The following NAPRT variants were observed in gnomAD, a reference collection of about 807,000 sequenced individuals.
NAPRT encodes the protein nicotinate phosphoribosyltransferase.
NAPRT carries 66 observed loss-of-function variants against 60.7 expected under a neutral mutation model. The ratio of observed to expected loss-of-function variants is 1.09; its 90% CI spans 0.89 to 1.33. NAPRT has a LOEUF of 1.33. Among genes scored for constraint, NAPRT ranks in the 40% most tolerant of loss-of-function variants. The pLI is 0.00. For missense variants in NAPRT, 818 were observed against 731.5 expected, an observed-to-expected ratio of 1.12 and a Z score of -1.36; for synonymous variants, 405 against 335.7, an observed-to-expected ratio of 1.21 and a Z score of -2.26.
chr8:143,577,538 G>A (rs2130698109), intron 3 of NAPRT, 119 bp downstream of exon 3: 2 of 1,449,182 alleles, frequency 1.4e-6, no homozygotes, highest in Non-Finnish European at 1.9e-6. Flanking sequence ...AAGAGTGGGG[G>A]CGGGAGGCCA....
rs759906633 is a variant in NAPRT at position 143,576,646 on chromosome 8, C to T, written c.881G>A (p.Arg294Lys). The T allele has an allele frequency of 1.9e-6, 3 of 1,609,322 alleles. No individual in the cohort carries two copies. In the South Asian group the frequency reaches 3.3e-5, roughly 18 times the overall value. ...QGLLDTYSVWRSGLPNFLAVA... is the reference protein window; with the variant it reads ...QGLLDTYSVWKSGLPNFLAVA... ...CCACCCCTAAAGTGCCCGGGCTCAC[C>T]TCCACACGCTGTAGGTGTCCAGGAG... is the stretch of plus-strand genomic sequence containing the variant. Residue 294 changes from arginine (R) to lysine (K), a missense_variant and splice_region_variant, in exon 6 of 13, where the codon AGG becomes AAG. Coordinates refer to ENST00000449291, the MANE Select transcript of NAPRT (RefSeq NM_145201.6).
chr8:143,574,934 G>C, intron 12 of NAPRT, 34 bp from the exon 13 acceptor site: 2 of 1,550,304 alleles, frequency 1.3e-6, no homozygotes, highest in South Asian at 1.2e-5. Context: ...CGGTGGGCAG[G>C]GTGAGGGCGG....
chr8:143,578,000 T>C lies in NAPRT; in HGVS notation c.227-57A>G, dbSNP rs1172982469. ...GCGGGGACAGACCGGTCGTGGGACA[T>C]GGGGGGTTCCACGGGGGGACAAGGA... On this transcript the variant is annotated intron_variant, in intron 1 of 12. Transcript: ENST00000449291. The C allele has an allele frequency of 4.0e-6, 6 of 1,514,692 alleles. No individual in the cohort carries two copies. In the African/African-American group the frequency reaches 6.1e-5, roughly 15 times the overall value. The allele number at this position is 1,514,692 out of a possible 1,614,324, so 93.8% of individuals were successfully genotyped here.
intron 5 of NAPRT, 70 bp from the exon 6 acceptor site, chr8:143,576,912 C>A (rs375446957): frequency 7.2e-6 from 11 of 1,521,008 alleles, no homozygotes; most frequent in African/African-American, 4.1e-5. Flanking sequence ...GCCAGGGACA[C>A]CCTAGTTTGA....
Position 143,577,640 on chromosome 8 carries a change from A to G in NAPRT, c.437+17T>C. On this transcript the variant is annotated intron_variant, in intron 3 of 12. Transcript: ENST00000449291. ...CCATCCCATGCCCACGCTCCCTGCC[A>G]GTGGCCCGCAGCCCACCTGGCGTAG... is the stretch of plus-strand genomic sequence containing the variant. 6.5e-7 allele frequency: 1 copy of G among 1,535,820 alleles called. No homozygotes were observed. The highest frequency in any genetic ancestry group is 8.7e-7 in the Non-Finnish European group (1 of 1,146,388).
rs1824460117 is a variant in NAPRT, at chr8:143,576,439, C to A, written c.1015G>T (p.Ala339Ser). The change falls in exon 7 of 13, where the codon GCA becomes TCA. Residue 339 changes from alanine to serine, a missense_variant. By Grantham distance (99) the Ala-to-Ser change is moderately conservative. Transcript: ENST00000449291. Reference sequence around the variant, plus strand: ...CCTCCCCGGGAAACTCACTGGGCTGCAGCAGCTCGGAAGACCTTGCGGATC... The same window carrying A: ...CCTCCCCGGGAAACTCACTGGGCTGAAGCAGCTCGGAAGACCTTGCGGATC... ...QEIRKVFRAA[A>S]AQFQVPWLES... is the part of the protein sequence containing the mutation. The A allele has an allele frequency of 6.2e-7, 1 of 1,603,670 alleles. No individual in the cohort carries two copies. Among genetic ancestry groups the A allele is most frequent in the South Asian group, 1.1e-5 (1 of 90,156 alleles).
In NAPRT at chr8:143,578,179, C is replaced by A; in HGVS notation, c.140G>T (p.Arg47Leu). 3.3e-6 allele frequency: 5 copies of A among 1,515,324 alleles called. No homozygotes were observed. The highest frequency in any genetic ancestry group is 1.2e-5 in the South Asian group (1 of 81,398). The allele number at this position is 1,515,324 out of a possible 1,614,324, so 93.9% of individuals were successfully genotyped here. ...DAAEFELFFR[R>L]CPFGGAFALA... is the part of the protein sequence containing the mutation. Reference sequence around the variant, plus strand: ...GGCGAAGGCGCCGCCGAACGGGCAGCGGCGGAAGAAGAGCTCGAACTCGGC... The same window carrying A: ...GGCGAAGGCGCCGCCGAACGGGCAGAGGCGGAAGAAGAGCTCGAACTCGGC... The change falls in exon 1 of 13, where the codon CGC becomes CTC. Residue 47 changes from arginine to leucine, a missense_variant. Transcript: ENST00000449291.
chr8:143,576,070 C>T lies in NAPRT; in HGVS notation c.1107+8G>A, dbSNP rs1457160465. The T allele has an allele frequency of 1.9e-6, 3 of 1,576,836 alleles. No homozygotes were observed. Among genetic ancestry groups the T allele is most frequent in the Admixed American group, 3.6e-5 (2 of 56,122 alleles). On this transcript the variant is annotated splice_region_variant and intron_variant, in intron 8 of 12. Transcript: ENST00000449291. Reference sequence around the variant, plus strand: ...GCCACCCTCCGCCTACCCACTCATCCACCCCACCTCCTGGGCCAGTCGGGC... The same window carrying T: ...GCCACCCTCCGCCTACCCACTCATCTACCCCACCTCCTGGGCCAGTCGGGC...
intron 8 of NAPRT, 80 bp downstream of exon 8, chr8:143,575,998 T>G: frequency 8.4e-7 from 1 of 1,189,702 alleles, no homozygotes; most frequent in East Asian, 2.6e-5. Flanking sequence ...GGGAAGGAGG[T>G]GGCAATGAGC....
intron 11 of NAPRT, 39 bp downstream of exon 11, chr8:143,575,152 C>A: frequency 6.3e-7 from 1 of 1,583,036 alleles, no homozygotes; most frequent in Non-Finnish European, 8.6e-7. Context: ...AGGGCTCTAC[C>A]GGGGCTGGGG....
intron 11 of NAPRT, 40 bp from the exon 12 acceptor site, chr8:143,575,133 C>A: frequency 6.4e-7 from 1 of 1,565,450 alleles, no homozygotes. Context: ...TTGGGGCTAG[C>A]TCCCAGTCAG....
At chr8:143,577,248 T>TGCCCC (rs1397362028) in intron 4 of NAPRT, 21 bp downstream of exon 4, 2 of 1,606,452 alleles carry the variant, frequency 1.2e-6, no homozygotes, top group South Asian at 2.2e-5. Flanking sequence ...GCCCTTGCCT[T>TGCCCC]GCCCCGCACC....
rs201161077 is a variant in NAPRT at position 143,576,835 on chromosome 8, G to A, written c.692C>T (p.Ala231Val). ...CCCAGGGCCCTCACCAGCTGCTGGC[G>A]CCAACATCTGTGGAACAGAGTCGGT... Reference protein sequence around the residue: ...GSEVPPDPMLAPAAGEGPGVD... With the variant: ...GSEVPPDPMLVPAAGEGPGVD... Residue 231 changes from alanine (A) to valine (V), a missense_variant, in exon 6 of 13, where the codon GCG becomes GTG. Ala to Val is a moderately conservative substitution (Grantham distance 64, BLOSUM62 0). Coordinates refer to ENST00000449291, the MANE Select transcript of NAPRT (RefSeq NM_145201.6). 212 of 1,597,344 alleles carry A rather than the reference G, an allele frequency of 1.3e-4. No individual in the cohort carries two copies. In the African/African-American group the frequency reaches 1.6e-3, roughly 12 times the overall value.
chr8:143,577,241 C>T, intron 4 of NAPRT, 28 bp downstream of exon 4: 3 of 1,606,106 alleles, frequency 1.9e-6, no homozygotes, highest in Non-Finnish European at 2.6e-6. Flanking sequence ...CTTCCCGGCC[C>T]TTGCCTTGCC....
chr8:143,574,845 G>C lies in NAPRT; in HGVS notation c.1610C>G (p.Ser537Cys). 1 of 1,550,666 alleles carries C rather than the reference G, an allele frequency of 6.4e-7. No individual in the cohort carries two copies. The highest frequency in any genetic ancestry group is 8.7e-7 in the Non-Finnish European group (1 of 1,146,988). The change falls in exon 13 of 13, where the codon TCC (serine) becomes TGC (cysteine). Residue 537 changes from serine (S) to cysteine (C), a missense_variant. Transcript: ENST00000449291. ...ALVNSLCAGQSP is the reference protein window; with the variant it reads ...ALVNSLCAGQCP The stretch of plus-strand genomic sequence containing the variant: ...TCAGCCCCGCTCCGAGTCTCAGGGG[G>C]ACTGCCCCGCACACAGACTGTTCAC...
At chr8:143,577,984 G>A in intron 1 of NAPRT, 41 bp from the exon 2 acceptor site, 2 of 1,586,020 alleles carry the variant, frequency 1.3e-6, no homozygotes, top group South Asian at 1.1e-5. Context: ...CGCGGGGACA[G>A]ACCGGTCGTG....
chr8:143,573,562 A>C (rs1824207613), downstream of NAPRT: 1 of 152,172 alleles, frequency 6.6e-6, no homozygotes, highest in African/African-American at 2.4e-5. Context: ...GCTTCCACCA[A>C]GATGGTAAGT....
Position 143,575,647 on chromosome 8 carries a change from T to C in NAPRT, c.1163A>G (p.Gln388Arg), listed in dbSNP as rs1824389640. 6.3e-6 allele frequency: 10 copies of C among 1,595,894 alleles called. No homozygotes were observed. In the South Asian group the frequency reaches 1.1e-4, roughly 18 times the overall value. ...CTTATAGACGCCACCCAGGGAAGGCTGTTGGGGGCAGGTGACCACACTGGT... is the reference window on the plus strand; with the variant it reads ...CTTATAGACGCCACCCAGGGAAGGCCGTTGGGGGCAGGTGACCACACTGGT... ...IGTSVVTCPQ[Q>R]PSLGGVYKLV... The change falls in exon 9 of 13, where the codon CAG becomes CGG. Residue 388 changes from glutamine (Q) to arginine (R), a missense_variant. By Grantham distance (43) the Gln-to-Arg change is conservative (BLOSUM62 1). Coordinates refer to ENST00000449291, the MANE Select transcript of NAPRT (RefSeq NM_145201.6).
rs1374137247 is a variant in NAPRT, at chr8:143,575,342, G to A, written c.1295C>T (p.Ser432Phe). The stretch of plus-strand genomic sequence containing the variant: ...TAACTGCAGCATGTCCATGAGTGGA[G>A]ACCCTGTGTGGACGGGGCAAGAATA... ...AAFRLLGSDGSPLMDMLQLAE... is the reference protein window; with the variant it reads ...AAFRLLGSDGFPLMDMLQLAE... The change falls in exon 11 of 13, where the codon TCT (serine) becomes TTT (phenylalanine). Residue 432 changes from serine to phenylalanine, a missense_variant. Ser to Phe is a radical substitution (Grantham distance 155, BLOSUM62 -2). Transcript: ENST00000449291. 8 of 1,611,034 alleles carry A rather than the reference G, an allele frequency of 5.0e-6. No homozygotes were observed. The highest frequency in any genetic ancestry group is 1.7e-5 in the Admixed American group (1 of 59,980).
Sources: allele counts gnomAD v4.1 joint callset, GRCh38; gene constraint gnomAD v4.1.1; transcripts MANE v1.5; gene names NCBI Gene and HGNC (gene_info 2026-07-23, HGNC 2026-07-21).